The following PTPRK variants were observed in gnomAD, a reference collection of about 807,000 sequenced individuals.
PTPRK encodes protein tyrosine phosphatase receptor type K.
Under a neutral mutation model 178.0 loss-of-function variants are expected in PTPRK, and 75 were observed. The ratio of observed to expected loss-of-function variants is 0.42; its 90% CI spans 0.35 to 0.51. The LOEUF is 0.51. Ranked by LOEUF, PTPRK falls within the 20% of genes least tolerant of loss-of-function variation. The probability of loss-of-function intolerance (pLI) is 0.02; values close to 1 mark genes in which losing one functional copy is unlikely to be tolerated. For synonymous variants in PTPRK, 637 were observed against 620.6 expected, an observed-to-expected ratio of 1.03 and a Z score of -0.39; for missense variants, 1,441 against 1,797.8, an observed-to-expected ratio of 0.80 and a Z score of 3.59.
In PTPRK at chr6:127,990,833, T is replaced by C. The variant is rs932483875; in HGVS notation, c.3032A>G (p.Lys1011Arg). Residue 1011 changes from lysine (K) to arginine (R), a missense_variant, in exon 21 of 30, where the codon AAA becomes AGA. Lys to Arg is a conservative substitution (Grantham distance 26). Transcript: ENST00000368226. Reference sequence around the variant, plus strand: ...TGGTTCCATTTCTACACACGTTACTTTGAAGTCACCATAAACTTCAGTATC... The same window carrying C: ...TGGTTCCATTTCTACACACGTTACTCTGAAGTCACCATAAACTTCAGTATC... ...PDDTEVYGDF[K>R]VTCVEMEPLA... The C allele has an allele frequency of 7.4e-6, 12 of 1,612,302 alleles. No homozygotes were observed. Among genetic ancestry groups the C allele is most frequent in the Middle Eastern group, 1.6e-4 (1 of 6,062 alleles).
intron 15 of PTPRK, among the ~76,000 whole-genome samples, chr6:128,000,576 A>G (rs1306347583): frequency 6.6e-6 from 1 of 152,070 alleles, no homozygotes; most frequent in East Asian, 1.9e-4. Context: ...GCTAACAAAC[A>G]TGATTCATGA....
At chr6:128,348,043 T>G (rs1312813790) in intron 2 of PTPRK, among the ~76,000 whole-genome samples, 1 of 152,014 alleles carries the variant, frequency 6.6e-6, no homozygotes, top group African/African-American at 2.4e-5. Flanking sequence ...GGCTTTCAAG[T>G]ACAGATCATC....
At chr6:128,478,264 A>G (rs1043945503) in intron 1 of PTPRK, among the ~76,000 whole-genome samples, 2 of 152,134 alleles carry the variant, frequency 1.3e-5, no homozygotes, top group Non-Finnish European at 2.9e-5. Context: ...CTGATAGAAT[A>G]CCAGCAAATA....
At chr6:128,217,642 G>A (rs1405540176) in intron 6 of PTPRK, among the ~76,000 whole-genome samples, 1 of 152,146 alleles carries the variant, frequency 6.6e-6, no homozygotes, top group Non-Finnish European at 1.5e-5. Context: ...TTGATGCCAA[G>A]CATTATAAAA....
At chr6:128,010,491 C>A (rs1008539504) in intron 13 of PTPRK, among the ~76,000 whole-genome samples, 1 of 151,222 alleles carries the variant, frequency 6.6e-6, no homozygotes, top group Non-Finnish European at 1.5e-5. Context: ...GCTTCTCTAT[C>A]CCCCTCCCCG....
intron 1 of PTPRK, among the ~76,000 whole-genome samples, chr6:128,403,048 G>A (rs1368986079): frequency 6.6e-6 from 1 of 152,188 alleles, no homozygotes; most frequent in African/African-American, 2.4e-5. Context: ...ATTATTTATT[G>A]ATAGGTAGAA....
Position 128,108,804 on chromosome 6 carries a change from G to T in PTPRK, c.1163-18812C>A, listed in dbSNP as rs140555934. On this transcript the variant is annotated intron_variant, in intron 7 of 29. Transcript: ENST00000368226. ...TGAGATTGGGGTGATAGCAAGGGCA[G>T]GTTCTGATGAGGTACCTCTTCCAGA... Among the ~76,000 whole-genome samples the T allele has an allele frequency of 4.4e-4, 67 of 152,152 alleles. 1 individual carries two copies. The East Asian group carries it at 0.011, about 26-fold the overall frequency.
chr6:128,427,445 C>G (rs572318248), intron 1 of PTPRK, among the ~76,000 whole-genome samples: 1 of 152,264 alleles, frequency 6.6e-6, no homozygotes, highest in Admixed American at 6.5e-5. Flanking sequence ...TCCTATCAAC[C>G]CTATCAATAA....
rs565004624 is a variant in PTPRK at position 128,514,753 on chromosome 6, TG to T, written c.100+5505del. Among the ~76,000 whole-genome samples the T allele has an allele frequency of 2.3e-3, 345 of 152,236 alleles. 2 individuals carry two copies. Among genetic ancestry groups the T allele is most frequent in the Non-Finnish European group, 1.8e-3 (121 of 68,022 alleles). On this transcript the variant is annotated intron_variant, in intron 1 of 29. Transcript: ENST00000368226. ...TTTCAACCAGAGTTAAGTGGGGAAA[TG>T]GCAATGTTCCACGAGAGGATCAATG...
At chr6:128,010,098 C>T (rs956526481) in intron 13 of PTPRK, among the ~76,000 whole-genome samples, 3 of 151,194 alleles carry the variant, frequency 2.0e-5, no homozygotes, top group Non-Finnish European at 3.0e-5. Context: ...TTATTATCTA[C>T]ACTTTATCGA....
intron 2 of PTPRK, among the ~76,000 whole-genome samples, chr6:128,337,032 A>T (rs1182755971): frequency 6.6e-6 from 1 of 152,172 alleles, no homozygotes; most frequent in Non-Finnish European, 1.5e-5. Context: ...TTCATGGTTC[A>T]TAATAATAAT....
intron 6 of PTPRK, among the ~76,000 whole-genome samples, chr6:128,203,918 A>C (rs1806435548): frequency 1.3e-5 from 2 of 152,200 alleles, no homozygotes; most frequent in Middle Eastern, 3.2e-3. Context: ...AATTAGAAAA[A>C]AACTATTTTA....
At chr6:128,120,239 T>C (rs991881618) in intron 7 of PTPRK, among the ~76,000 whole-genome samples, 8 of 151,998 alleles carry the variant, frequency 5.3e-5, no homozygotes, top group Non-Finnish European at 1.2e-4. Context: ...AGAATTGATA[T>C]TATATTACTA....
At position 128,021,637 on chromosome 6, in the gene PTPRK, C is replaced by T. The variant is rs189155346; in HGVS notation, c.2195-12369G>A. ...CCTGGGTATCAGAGCGAGACTCCGT[C>T]TCAAAAAAAAAGAAAGAAAGTTTCA... On this transcript the variant is annotated intron_variant, in intron 13 of 29. Transcript: ENST00000368226. 3.6e-3 allele frequency among the ~76,000 whole-genome samples: 553 copies of T among 151,906 alleles called. 2 individuals are homozygous for T. Among genetic ancestry groups the T allele is most frequent in the Non-Finnish European group, 5.3e-3 (363 of 67,972 alleles).
At chr6:128,258,857 C>T (rs1056435020) in intron 3 of PTPRK, among the ~76,000 whole-genome samples, 1 of 152,076 alleles carries the variant, frequency 6.6e-6, no homozygotes, top group Non-Finnish European at 1.5e-5. Context: ...GAGCATTCCA[C>T]GATCAGAAAG....
chr6:128,110,999 G>T (rs1385160625), intron 7 of PTPRK, among the ~76,000 whole-genome samples: 3 of 152,152 alleles, frequency 2.0e-5, no homozygotes, highest in African/African-American at 4.8e-5. Flanking sequence ...GTCTGATGGT[G>T]AGGATCGGCA....
chr6:128,464,638 C>CATATATATATATACACATATAT (rs1849544400), intron 1 of PTPRK, among the ~76,000 whole-genome samples: 26 of 48,582 alleles, frequency 5.4e-4, no homozygotes, highest in African/African-American at 2.4e-3. Context: ...TATATATACA[C>CATATATATATATACACATATAT]ATATATATAT....
intron 15 of PTPRK, among the ~76,000 whole-genome samples, chr6:128,001,981 C>T (rs910160440): frequency 1.3e-5 from 2 of 151,836 alleles, no homozygotes; most frequent in Non-Finnish European, 2.9e-5. Flanking sequence ...TTTATGGCTC[C>T]TCCCTGTGTG....
chr6:128,307,220 C>T (rs181542614), intron 3 of PTPRK, among the ~76,000 whole-genome samples: 1 of 146,990 alleles, frequency 6.8e-6, no homozygotes, highest in East Asian at 2.0e-4. Flanking sequence ...CACACACATA[C>T]AAGACAAACA....
Sources: allele counts gnomAD v4.1 joint callset (sites outside exome capture counted in the v4.1 genomes callset), GRCh38; gene constraint gnomAD v4.1.1; transcripts MANE v1.5; gene names NCBI Gene and HGNC (gene_info 2026-07-23, HGNC 2026-07-21).